Variants in PARD3 observed in about 807,000 individuals in gnomAD.
PARD3 encodes the protein par-3 family cell polarity regulator.
In PARD3, 75 loss-of-function variants were observed where a neutral mutation model predicts 155.4. The ratio of observed to expected loss-of-function variants is 0.48; its 90% CI spans 0.40 to 0.58. The LOEUF (loss-of-function observed/expected upper bound fraction) is 0.58, where lower values mean the gene tolerates loss of function less well. Ranked by LOEUF, PARD3 falls within the 20% of genes least tolerant of loss-of-function variation. The probability of loss-of-function intolerance (pLI) is 0.00; values close to 1 mark genes in which losing one functional copy is unlikely to be tolerated. For synonymous variants in PARD3, 576 were observed against 610.5 expected (o/e 0.94, Z 0.83); for missense variants, 1,642 against 1,721.7 (o/e 0.95, Z 0.82).
chr10:34,356,992 C>T (rs1838951283), intron 14 of PARD3, among the ~76,000 whole-genome samples: 1 of 152,182 alleles, frequency 6.6e-6, no homozygotes, highest in African/African-American at 2.4e-5. Context: ...CTGTCTACTG[C>T]AGCTGTTTCC....
chr10:34,172,764 A>C (rs111291996), intron 22 of PARD3, among the ~76,000 whole-genome samples: 2,025 of 143,540 alleles, frequency 0.014, 53 homozygotes, highest in African/African-American at 0.047. Flanking sequence ...AAAAAAACAA[A>C]AAAAAAACCC....
At chr10:34,162,485 G>A (rs1271002984) in intron 22 of PARD3, among the ~76,000 whole-genome samples, 1 of 152,168 alleles carries the variant, frequency 6.6e-6, no homozygotes, top group African/African-American at 2.4e-5. Flanking sequence ...AAAATCCTGT[G>A]TCACATACAC....
intron 5 of PARD3, among the ~76,000 whole-genome samples, chr10:34,446,888 AT>A (rs1223354216): frequency 6.6e-6 from 1 of 152,232 alleles, no homozygotes; most frequent in Non-Finnish European, 1.5e-5. Context: ...TATGTAAAAC[AT>A]TTATGATTTC....
intron 5 of PARD3, among the ~76,000 whole-genome samples, chr10:34,447,022 T>A (rs2076774407): frequency 6.6e-6 from 1 of 152,132 alleles, no homozygotes; most frequent in African/African-American, 2.4e-5. Context: ...CCACCTTGCT[T>A]TCTATCCATA....
At chr10:34,164,925 G>A (rs137863764) in intron 22 of PARD3, among the ~76,000 whole-genome samples, 1 of 152,048 alleles carries the variant, frequency 6.6e-6, no homozygotes, top group Non-Finnish European at 1.5e-5. Context: ...TACTGAAAAG[G>A]TTCTCAAGAA....
intron 20 of PARD3, among the ~76,000 whole-genome samples, chr10:34,298,187 C>G (rs1216015771): frequency 6.6e-6 from 1 of 152,136 alleles, no homozygotes; most frequent in African/African-American, 2.4e-5. Context: ...TCATTGTTAT[C>G]CTTAATTTCT....
intron 1 of PARD3, among the ~76,000 whole-genome samples, chr10:34,734,393 T>G (rs1010202563): frequency 1.6e-5 from 2 of 125,902 alleles, no homozygotes; most frequent in African/African-American, 5.9e-5. Flanking sequence ...TGGAGTGCAG[T>G]GGCGCGATCT....
chr10:34,715,249 T>A (rs561837922), intron 1 of PARD3, among the ~76,000 whole-genome samples: 2 of 152,094 alleles, frequency 1.3e-5, no homozygotes, highest in African/African-American at 4.8e-5. Flanking sequence ...AGCACATTTT[T>A]AAATTTTTTG....
At position 34,125,766 on chromosome 10, in the gene PARD3, G is replaced by A. The variant is rs182575860; in HGVS notation, c.3540+5697C>T. Among the ~76,000 whole-genome samples the A allele has an allele frequency of 3.3e-3, 510 of 152,342 alleles. 2 individuals carry two copies. The highest frequency in any genetic ancestry group is 6.8e-3 in the Middle Eastern group (2 of 294). On this transcript the variant is annotated intron_variant, in intron 23 of 24. Coordinates refer to ENST00000374788, the MANE Select transcript of PARD3 (RefSeq NM_001184785.2). ...GGGAGAAGAGGATATTCACATTGCA[G>A]AGTATCAATTTTCTACCTGAAGGAC...
intron 3 of PARD3, among the ~76,000 whole-genome samples, chr10:34,510,404 T>G (rs965706890): frequency 2.0e-5 from 3 of 152,214 alleles, no homozygotes; most frequent in African/African-American, 4.8e-5. Flanking sequence ...CCTGTTCTCA[T>G]TTGGATGGTC....
intron 2 of PARD3, among the ~76,000 whole-genome samples, chr10:34,568,064 A>G (rs1456905645): frequency 2.6e-5 from 4 of 152,214 alleles, no homozygotes; most frequent in African/African-American, 9.7e-5. Context: ...GGGTAATCGA[A>G]TATTCTGCTC....
At position 34,355,924 on chromosome 10, in the gene PARD3, CAAAAAAAA is replaced by C. The variant is rs869284165; in HGVS notation, c.2067+3215_2067+3222del. 9.5e-3 allele frequency among the ~76,000 whole-genome samples: 407 copies of C among 42,748 alleles called. 3 individuals carry two copies. The highest frequency in any genetic ancestry group is 0.032 in the African/African-American group (370 of 11,572). The allele number at this position is 42,748 out of a possible 152,430, so 28.0% of individuals were successfully genotyped here. ...TAGGCAACAGAGTGACACTCCGTCT[CAAAAAAAA>C]AAAAAAAAAAAAAACAAAACAAAAC... On this transcript the variant is annotated intron_variant, in intron 14 of 24. Coordinates refer to ENST00000374788, the MANE Select transcript of PARD3 (RefSeq NM_001184785.2).
At chr10:34,213,443 G>C (rs560985739) in intron 22 of PARD3, among the ~76,000 whole-genome samples, 1 of 152,106 alleles carries the variant, frequency 6.6e-6, no homozygotes, top group African/African-American at 2.4e-5. Flanking sequence ...GGGGTCAAAC[G>C]TCAATATGAG....
At chr10:34,473,708 C>T (rs1185570732) in intron 3 of PARD3, among the ~76,000 whole-genome samples, 1 of 152,192 alleles carries the variant, frequency 6.6e-6, no homozygotes. Context: ...TGTCAGTTTA[C>T]TACTGCCATG....
At chr10:34,311,165 C>G (rs75659530) in intron 20 of PARD3, among the ~76,000 whole-genome samples, 2,217 of 152,306 alleles carry the variant, frequency 0.015, 31 homozygotes, top group Non-Finnish European at 0.018. Flanking sequence ...CTGCAAACTG[C>G]TTTCAAGTCA....
intron 1 of PARD3, among the ~76,000 whole-genome samples, chr10:34,806,480 C>T (rs1350275223): frequency 6.6e-6 from 1 of 152,154 alleles, no homozygotes; most frequent in African/African-American, 2.4e-5. Flanking sequence ...TGAGCCACCA[C>T]ACCCGGCCTA....
chr10:34,718,144 CA>C lies in PARD3; in HGVS notation c.121-21726del, dbSNP rs1298931439. 6.1e-4 allele frequency among the ~76,000 whole-genome samples: 68 copies of C among 110,748 alleles called. No homozygotes were observed. The East Asian group carries it at 0.013, about 21-fold the overall frequency. 72.7% of individuals were successfully genotyped at this position (110,748 alleles called of 152,430 possible). A position where few individuals can be genotyped will look rare whatever the true frequency, so the allele number is the denominator to read the frequency against. On this transcript the variant is annotated intron_variant, in intron 1 of 24. Transcript: ENST00000374788. Reference sequence around the variant, plus strand: ...ACTCCAGCCTGGGTAACAGAGACTCCATCTCAAAAAAAAAAAAAAAAAAAAT... The same window carrying C: ...ACTCCAGCCTGGGTAACAGAGACTCCTCTCAAAAAAAAAAAAAAAAAAAAT...
At chr10:34,333,965 C>T (rs1365039249) in intron 18 of PARD3, among the ~76,000 whole-genome samples, 3 of 151,688 alleles carry the variant, frequency 2.0e-5, no homozygotes, top group African/African-American at 7.2e-5. Context: ...AAAAGGATTC[C>T]CTAACAATAC....
chr10:34,294,598 AT>A (rs1283516398), intron 20 of PARD3, among the ~76,000 whole-genome samples: 2 of 152,244 alleles, frequency 1.3e-5, no homozygotes, highest in African/African-American at 2.4e-5. Context: ...TACAGAGTAA[AT>A]TAAGAGGTGC....
Sources: gnomAD v4.1 joint callset for allele counts (sites outside exome capture counted in the v4.1 genomes callset) on GRCh38, gnomAD v4.1.1 for gene constraint, MANE v1.5 for transcripts, NCBI Gene and HGNC (gene_info 2026-07-23, HGNC 2026-07-21) for gene names.